ZNF397: variants seen among roughly 807,000 people sequenced by gnomAD.
ZNF397 encodes zinc finger and SCAN domain-containing protein 15.
A neutral mutation model predicts 50.6 loss-of-function variants in ZNF397; 38 were observed. The observed-to-expected ratio is 0.75, with a 90% CI of 0.58 to 0.98. The LOEUF (loss-of-function observed/expected upper bound fraction) is 0.98, where lower values mean the gene tolerates loss of function less well. ZNF397 is among the 50% of genes least tolerant of loss of function. ZNF397 has a pLI of 0.00. For missense variants in ZNF397, 624 were observed against 624.1 expected (o/e 1.00, Z 0.00); for synonymous variants, 228 against 215.2 (o/e 1.06, Z -0.52).
In ZNF397 at chr18:35,242,723, A is replaced by G. The variant is rs761934648; in HGVS notation, c.253A>G (p.Thr85Ala). ...CYQWLMPELH[T>A]KEQILELLVL... The stretch of plus-strand genomic sequence containing the variant: ...TCAGTGGCTAATGCCAGAGTTGCAC[A>G]CAAAGGAGCAGATCTTAGAACTGCT... The change falls in exon 2 of 4, where the codon ACA becomes GCA. Residue 85 changes from threonine (T) to alanine (A), a missense_variant. Thr to Ala is a moderately conservative substitution (Grantham distance 58). Transcript: ENST00000330501. 2.5e-6 allele frequency: 4 copies of G among 1,614,124 alleles called. No individual in the cohort carries two copies. In the African/African-American group the frequency reaches 5.3e-5, roughly 22 times the overall value.
chr18:35,254,180 GA>G, downstream of ZNF397: 1 of 1,614,164 alleles, frequency 6.2e-7, no homozygotes, highest in Non-Finnish European at 8.5e-7. Context: ...TCTGTCCTGG[GA>G]AGGAAGCTGA....
rs1376107970 is a variant in ZNF397 at position 35,249,034 on chromosome 18, C to T, written c.*2724C>T. The T allele has an allele frequency of 1.3e-5, 2 of 152,020 alleles. No homozygotes were observed. The highest frequency in any genetic ancestry group is 2.4e-5 in the African/African-American group (1 of 41,388). The allele number at this position is 152,020 out of a possible 1,614,324, so 9.4% of individuals were successfully genotyped here. A position where few individuals can be genotyped will look rare whatever the true frequency, so the allele number is the denominator to read the frequency against. On this transcript the variant is annotated 3_prime_UTR_variant, in exon 4 of 4. Transcript: ENST00000330501. The stretch of plus-strand genomic sequence containing the variant: ...GAGCCACTTCAGTATACTCTCTCCC[C>T]ATAAGAAAGTTCCAATAGAAAAAAA...
rs2043760763 is a variant in ZNF397, at chr18:35,255,209, AGTC to A, written c.817+808_817+810del. 3.3e-5 allele frequency among the ~76,000 whole-genome samples: 5 copies of A among 151,228 alleles called. 1 individual carries two copies. In the South Asian group the frequency reaches 1.1e-3, roughly 32 times the overall value. ...TCACAAAACATGCCCCATCTCTAGTAGTCTCCTGTTATGAGTTACTGGAAATCT... is the reference window on the plus strand; with the variant it reads ...TCACAAAACATGCCCCATCTCTAGTATCCTGTTATGAGTTACTGGAAATCT... On this transcript the variant is annotated intron_variant, in intron 5 of 5. Transcript: ENST00000261333.
chr18:35,245,975 C>T lies in ZNF397; in HGVS notation c.1270C>T (p.Pro424Ser), dbSNP rs1052509569. The change falls in exon 4 of 4, where the codon CCC becomes TCC. Residue 424 changes from proline (P) to serine (S), a missense_variant. Transcript: ENST00000330501. ...RHQRIHTGER[P>S]YECNECGKAF... ...TCAGCGAATTCACACAGGAGAGAGA[C>T]CCTATGAATGTAATGAATGTGGAAA... The T allele has an allele frequency of 6.3e-7, 1 of 1,582,452 alleles. No individual in the cohort carries two copies.
Position 35,246,283 on chromosome 18 carries a change from C to T in ZNF397, c.1578C>T (p.Arg526=), listed in dbSNP as rs1485271924. 6.5e-7 allele frequency: 1 copy of T among 1,549,534 alleles called. No homozygotes were observed. The highest frequency in any genetic ancestry group is 2.0e-5 in the Admixed American group (1 of 50,386). Residue 526 remains arginine (R), a synonymous_variant, in exon 4 of 4, where the codon CGC becomes CGT. Coordinates refer to ENST00000330501, the MANE Select transcript of ZNF397 (RefSeq NM_001135178.3). ...KAFRHRSVLM[R]HQRVHTIK is the part of the protein sequence containing the mutation. ...TCAGGCACAGATCGGTCCTTATGCG[C>T]CATCAAAGAGTCCACACTATAAAGT...
downstream of ZNF397, chr18:35,254,545 C>T (rs1489672458): frequency 7.9e-7 from 1 of 1,261,264 alleles, no homozygotes; most frequent in Non-Finnish European, 1.1e-6. Flanking sequence ...CTGGGGTAGC[C>T]AAATATGGCC....
chr18:35,250,256 C>T (rs915998268), downstream of ZNF397, among the ~76,000 whole-genome samples: 1 of 152,182 alleles, frequency 6.6e-6, no homozygotes, highest in Non-Finnish European at 1.5e-5. Context: ...CAACTCTAGA[C>T]CCTCACTTAA....
chr18:35,258,225 G>C (rs1472342516), exon 6 of ZNF397: 2 of 507,422 alleles, frequency 3.9e-6, no homozygotes, highest in Admixed American at 3.4e-5. Context: ...CAGGAACCCA[G>C]TCAAGGCCAT....
Position 35,246,183 on chromosome 18 carries a change from G to T in ZNF397, c.1478G>T (p.Ser493Ile). 1.3e-6 allele frequency: 2 copies of T among 1,551,956 alleles called. No individual in the cohort carries two copies. Among genetic ancestry groups the T allele is most frequent in the Non-Finnish European group, 1.7e-6 (2 of 1,147,056 alleles). The change falls in exon 4 of 4, where the codon AGC becomes ATC. Residue 493 changes from serine to isoleucine, a missense_variant. Coordinates refer to ENST00000330501, the MANE Select transcript of ZNF397 (RefSeq NM_001135178.3). Reference sequence around the variant, plus strand: ...GAATGTGGCAAAACTTTCAAAAGGAGCTCAGCCCTTGTTCAGCATCAGAGA... The same window carrying T: ...GAATGTGGCAAAACTTTCAAAAGGATCTCAGCCCTTGTTCAGCATCAGAGA... ...CNECGKTFKR[S>I]SALVQHQRIH...
chr18:35,251,488 C>A (rs2043592466), downstream of ZNF397: 1 of 152,204 alleles, frequency 6.6e-6, no homozygotes, highest in African/African-American at 2.4e-5. Context: ...AATTTCACCT[C>A]CCCTATTACC....
intron 3 of ZNF397, among the ~76,000 whole-genome samples, chr18:35,244,712 AG>A (rs1342254636): frequency 6.9e-6 from 1 of 143,970 alleles, no homozygotes; most frequent in African/African-American, 2.5e-5. Context: ...AGTGGATTAA[AG>A]AGCTATGAAG....
rs1809848390 is a variant in ZNF397, at chr18:35,242,808, A to AT, written c.339dup (p.Asn114Ter). 1 of 1,614,094 alleles carries AT rather than the reference A, an allele frequency of 6.2e-7. No individual in the cohort carries two copies. Among genetic ancestry groups the AT allele is most frequent in the South Asian group, 1.1e-5 (1 of 91,094 alleles). On this transcript the variant is annotated frameshift_variant, in exon 2 of 4. Coordinates refer to ENST00000330501, the MANE Select transcript of ZNF397 (RefSeq NM_001135178.3). LOFTEE classifies it high-confidence loss of function. Reference sequence around the variant, plus strand: ...GAGCTGCAGATCTGGGTTCAGCAACATAATCCAGAAAGCGGCGAGGAAGCT... The same window carrying AT: ...GAGCTGCAGATCTGGGTTCAGCAACATTAATCCAGAAAGCGGCGAGGAAGCT...
chr18:35,245,080 C>T (rs1464238287), intron 3 of ZNF397, among the ~76,000 whole-genome samples, 182 bp from the exon 4 acceptor site: 3 of 151,934 alleles, frequency 2.0e-5, no homozygotes, highest in South Asian at 2.1e-4. Flanking sequence ...GGATGGAATT[C>T]GAAGTGTAGA....
Position 35,249,579 on chromosome 18 carries a change from G to A in ZNF397, c.*3269G>A, listed in dbSNP as rs2043538114. 1 of 149,062 alleles carries A rather than the reference G, an allele frequency of 6.7e-6. No homozygotes were observed. Among genetic ancestry groups the A allele is most frequent in the South Asian group, 2.1e-4 (1 of 4,726 alleles). The allele number at this position is 149,062 out of a possible 1,614,324, so 9.2% of individuals were successfully genotyped here. ...GAGACAGGAGAATTGCATGAACCCG[G>A]GAGGTGGAGGTTGCAGTGAGCCGAG... On this transcript the variant is annotated 3_prime_UTR_variant, in exon 4 of 4. Coordinates refer to ENST00000330501, the MANE Select transcript of ZNF397 (RefSeq NM_001135178.3).
Position 35,246,622 on chromosome 18 carries a change from C to A in ZNF397, c.*312C>A, listed in dbSNP as rs939365177. Reference sequence around the variant, plus strand: ...TATGAAAGTGTCATGAATATAGCAACCCAGGCTCTGTCACTGCATCTGATT... The same window carrying A: ...TATGAAAGTGTCATGAATATAGCAAACCAGGCTCTGTCACTGCATCTGATT... On this transcript the variant is annotated 3_prime_UTR_variant, in exon 4 of 4. Coordinates refer to ENST00000330501, the MANE Select transcript of ZNF397 (RefSeq NM_001135178.3). 7.4e-6 allele frequency: 8 copies of A among 1,086,544 alleles called. No individual in the cohort carries two copies. Among genetic ancestry groups the A allele is most frequent in the Non-Finnish European group, 9.0e-6 (8 of 893,842 alleles). 67.3% of individuals were successfully genotyped at this position (1,086,544 alleles called of 1,614,324 possible). A position where few individuals can be genotyped will look rare whatever the true frequency, so the allele number is the denominator to read the frequency against.
rs1267328492 is a variant in ZNF397, at chr18:35,245,340, T to C, written c.635T>C (p.Phe212Ser). Reference sequence around the variant, plus strand: ...CAGGGACTCCCTCAGGAACCTTCATTTCGAGGAATTAGTGAGCATGAAAGC... The same window carrying C: ...CAGGGACTCCCTCAGGAACCTTCATCTCGAGGAATTAGTGAGCATGAAAGC... Reference protein sequence around the residue: ...KSQGLPQEPSFRGISEHESNL... With the variant: ...KSQGLPQEPSSRGISEHESNL... The change falls in exon 4 of 4, where the codon TTT (phenylalanine) becomes TCT (serine). Residue 212 changes from phenylalanine (F) to serine (S), a missense_variant. Phe to Ser is a radical substitution (Grantham distance 155). Transcript: ENST00000330501. 1 of 1,612,968 alleles carries C rather than the reference T, an allele frequency of 6.2e-7. No homozygotes were observed.
rs2143608995 is a variant in ZNF397 at position 35,247,205 on chromosome 18, G to A, written c.*895G>A. ...CAGACTCTTAAGCAGTGCCAATGGA[G>A]AAGTTCCTGTTAATAGACAAAACCT... On this transcript the variant is annotated 3_prime_UTR_variant, in exon 4 of 4. Coordinates refer to ENST00000330501, the MANE Select transcript of ZNF397 (RefSeq NM_001135178.3). 3.0e-6 allele frequency: 3 copies of A among 984,546 alleles called. No individual in the cohort carries two copies. Among genetic ancestry groups the A allele is most frequent in the Middle Eastern group, 5.2e-4 (1 of 1,914 alleles). The allele number at this position is 984,546 out of a possible 1,614,324, so 61.0% of individuals were successfully genotyped here. A position where few individuals can be genotyped will look rare whatever the true frequency, so the allele number is the denominator to read the frequency against.
At chr18:35,243,056 C>A in intron 2 of ZNF397, 96 bp from the exon 3 acceptor site, 1 of 1,564,944 alleles carries the variant, frequency 6.4e-7, no homozygotes, top group Non-Finnish European at 8.7e-7. Flanking sequence ...TGTCCTTCAT[C>A]CCTGGAGATG....
intron 3 of ZNF397, chr18:35,243,770 T>G: frequency 4.5e-6 from 1 of 223,692 alleles, no homozygotes; most frequent in Non-Finnish European, 8.9e-6. Context: ...GGTAAATAGG[T>G]GGGAGGAGGA....
Sources: allele counts gnomAD v4.1 joint callset (sites outside exome capture counted in the v4.1 genomes callset), GRCh38; gene constraint gnomAD v4.1.1; transcripts MANE v1.5; gene names NCBI Gene and HGNC (gene_info 2026-07-23, HGNC 2026-07-21).